ANO3: variants seen among roughly 807,000 people sequenced by gnomAD.
ANO3 encodes the protein anoctamin-3.
ANO3 carries 99 observed loss-of-function variants against 144.8 expected under a neutral mutation model. The observed-to-expected ratio is 0.68, with a 90% CI of 0.58 to 0.81. ANO3 has a LOEUF of 0.81. ANO3 is among the 30% of genes least tolerant of loss of function. ANO3 has a pLI of 0.00. For missense variants in ANO3, 905 were observed against 1,202.2 expected, an observed-to-expected ratio of 0.75 and a Z score of 3.66; for synonymous variants, 414 against 392.6, an observed-to-expected ratio of 1.05 and a Z score of -0.64.
At chr11:26,650,216 T>G (rs570583508) in intron 24 of ANO3, among the ~76,000 whole-genome samples, 1 of 142,406 alleles carries the variant, frequency 7.0e-6, no homozygotes, top group East Asian at 2.1e-4. Context: ...GATTGGAAAT[T>G]TTCGGAGCAA....
intron 7 of ANO3, among the ~76,000 whole-genome samples, chr11:26,530,451 ATCTG>A (rs747800589): frequency 4.5e-4 from 64 of 142,110 alleles, no homozygotes; most frequent in East Asian, 1.2e-3. Context: ...TCTATCATCT[ATCTG>A]TCTGTCTATC....
intron 18 of ANO3, among the ~76,000 whole-genome samples, chr11:26,627,839 G>GTA (rs1372899294): frequency 1.4e-5 from 2 of 142,130 alleles, no homozygotes; most frequent in East Asian, 2.1e-4. Context: ...GTGTGTGTGT[G>GTA]TGTGTGTGTG....
intron 3 of ANO3, among the ~76,000 whole-genome samples, chr11:26,450,146 G>A: frequency 6.6e-6 from 1 of 152,070 alleles, no homozygotes; most frequent in East Asian, 1.9e-4. Context: ...TAGCACTTTG[G>A]ATGACTGTTC....
chr11:26,457,392 C>T (rs1009756999), intron 3 of ANO3, among the ~76,000 whole-genome samples: 2 of 150,214 alleles, frequency 1.3e-5, no homozygotes, highest in Admixed American at 6.6e-5. Flanking sequence ...CTGGCATACT[C>T]GAGGTAATTA....
intron 14 of ANO3, among the ~76,000 whole-genome samples, chr11:26,587,491 A>G (rs1851319765): frequency 6.6e-6 from 1 of 152,128 alleles, no homozygotes; most frequent in Non-Finnish European, 1.5e-5. Flanking sequence ...CTGTACAGAC[A>G]TTTTTATTGT....
chr11:26,383,577 T>A (rs1370253227), intron 1 of ANO3, among the ~76,000 whole-genome samples: 1 of 140,204 alleles, frequency 7.1e-6, no homozygotes, highest in Non-Finnish European at 1.6e-5. Flanking sequence ...ATTACATACT[T>A]ACATGTAAAA....
intron 26 of ANO3, among the ~76,000 whole-genome samples, chr11:26,659,099 C>CACACACACACAT (rs76897197): frequency 2.4e-4 from 36 of 150,122 alleles, no homozygotes; most frequent in Admixed American, 4.0e-4. Context: ...CACACACACA[C>CACACACACACAT]ATATATATAT....
intron 1 of ANO3, among the ~76,000 whole-genome samples, chr11:26,224,349 C>T (rs1360531456): frequency 1.3e-5 from 2 of 152,226 alleles, no homozygotes; most frequent in Non-Finnish European, 2.9e-5. Flanking sequence ...AGGCAGTCCA[C>T]ATCTTTCTCC....
At chr11:26,398,769 T>G (rs993032549) in intron 1 of ANO3, among the ~76,000 whole-genome samples, 4 of 152,036 alleles carry the variant, frequency 2.6e-5, no homozygotes, top group Non-Finnish European at 5.9e-5. Flanking sequence ...ATGGTATTCA[T>G]GTGGGTTATC....
At chr11:26,568,217 C>T (rs187646229) in intron 14 of ANO3, among the ~76,000 whole-genome samples, 3 of 152,086 alleles carry the variant, frequency 2.0e-5, no homozygotes, top group African/African-American at 7.2e-5. Context: ...TACATATTTT[C>T]CATTTAATGC....
At chr11:26,200,258 A>T (rs892292795) in intron 1 of ANO3, among the ~76,000 whole-genome samples, 4 of 152,192 alleles carry the variant, frequency 2.6e-5, no homozygotes, top group Admixed American at 2.6e-4. Flanking sequence ...AAACCAATTT[A>T]TATCAAGACA....
intron 1 of ANO3, among the ~76,000 whole-genome samples, chr11:26,426,261 A>G (rs1857917183): frequency 6.6e-6 from 1 of 152,156 alleles, no homozygotes; most frequent in Non-Finnish European, 1.5e-5. Context: ...TAAGACAATG[A>G]AGCTTTTGTT....
intron 4 of ANO3, among the ~76,000 whole-genome samples, chr11:26,481,237 G>A (rs1222995845): frequency 6.6e-6 from 1 of 152,146 alleles, no homozygotes; most frequent in African/African-American, 2.4e-5. Context: ...ACGATTTTAT[G>A]TGAAACGGGA....
intron 1 of ANO3, among the ~76,000 whole-genome samples, chr11:26,299,365 G>A (rs1854165387): frequency 6.6e-6 from 1 of 152,170 alleles, no homozygotes; most frequent in Admixed American, 6.6e-5. Flanking sequence ...AACTTTGACA[G>A]TCTTAGTGAA....
chr11:26,408,743 A>C (rs1252862794), intron 1 of ANO3, among the ~76,000 whole-genome samples: 1 of 151,310 alleles, frequency 6.6e-6, no homozygotes, highest in Non-Finnish European at 1.5e-5. Context: ...CAACAATGAT[A>C]GACTGGATTA....
intron 13 of ANO3, among the ~76,000 whole-genome samples, chr11:26,553,561 T>C (rs1227517929): frequency 6.6e-6 from 1 of 152,210 alleles, no homozygotes; most frequent in Non-Finnish European, 1.5e-5. Context: ...TTTTTATAAC[T>C]GATTTTTGCC....
At chr11:26,492,332 T>A (rs1287124682) in intron 4 of ANO3, among the ~76,000 whole-genome samples, 1 of 152,208 alleles carries the variant, frequency 6.6e-6, no homozygotes, top group Non-Finnish European at 1.5e-5. Context: ...TGATTTTTCT[T>A]ATATTTTTGC....
rs1371910066 is a variant in ANO3, at chr11:26,227,724, C to T, written c.154+38394C>T. On this transcript the variant is annotated intron_variant, in intron 1 of 27. Coordinates refer to the ANO3 transcript ENST00000672621. ...TCTGGCAGACATTTCTCTTCAATCA[C>T]GTCGAATGCTTTCTCTGAAGCCTTA... 3.3e-5 allele frequency among the ~76,000 whole-genome samples: 5 copies of T among 152,236 alleles called. No individual in the cohort carries two copies. In the East Asian group the frequency reaches 7.7e-4, roughly 24 times the overall value.
At chr11:26,618,224 T>C (rs1292168770) in intron 17 of ANO3, among the ~76,000 whole-genome samples, 1 of 152,094 alleles carries the variant, frequency 6.6e-6, no homozygotes, top group Non-Finnish European at 1.5e-5. Context: ...GTCAGACCTT[T>C]TTTTTTTGGT....
Sources: allele counts gnomAD v4.1 joint callset (sites outside exome capture counted in the v4.1 genomes callset), GRCh38; gene constraint gnomAD v4.1.1; transcripts MANE v1.5; gene names NCBI Gene and HGNC (gene_info 2026-07-23, HGNC 2026-07-21).